The following GNL2 variants were observed in gnomAD, a reference collection of about 807,000 sequenced individuals.
GNL2 encodes G protein nucleolar 2.
Under a neutral mutation model 92.3 loss-of-function variants are expected in GNL2, and 51 were observed. The ratio of observed to expected loss-of-function variants is 0.55; its 90% CI spans 0.44 to 0.70. The LOEUF is 0.70. GNL2 is among the 30% of genes least tolerant of loss of function. The probability of loss-of-function intolerance (pLI) is 0.00; values close to 1 mark genes in which losing one functional copy is unlikely to be tolerated. For synonymous variants in GNL2, 283 were observed against 300.6 expected (o/e 0.94, Z 0.61); for missense variants, 844 against 895.6 (o/e 0.94, Z 0.74).
intron 1 of GNL2, 76 bp from the exon 2 acceptor site, chr1:37,593,922 A>C: frequency 1.9e-6 from 2 of 1,063,502 alleles, no homozygotes; most frequent in Non-Finnish European, 1.4e-6. Flanking sequence ...CTTAAAATGC[A>C]ACAAGTAGTT....
intron 12 of GNL2, 22 bp from the exon 13 acceptor site, chr1:37,569,324 G>A: frequency 6.8e-7 from 1 of 1,462,588 alleles, no homozygotes; most frequent in East Asian, 2.3e-5. Context: ...TGGAAATGGG[G>A]GAAATAAATA....
chr1:37,583,730 T>C (rs1643808267), intron 6 of GNL2, 137 bp downstream of exon 6: 2 of 582,484 alleles, frequency 3.4e-6, no homozygotes, highest in Non-Finnish European at 6.2e-6. Context: ...AGTTTCTTTG[T>C]AGGAGGAAGA....
intron 2 of GNL2, 66 bp from the exon 3 acceptor site, chr1:37,592,872 C>T (rs1403625603): frequency 1.0e-5 from 9 of 874,476 alleles, no homozygotes; most frequent in Non-Finnish European, 1.2e-5. Context: ...GTTTGATTTA[C>T]AGAATATATT....
At chr1:37,581,029 A>G (rs1183605436) in intron 8 of GNL2, among the ~76,000 whole-genome samples, 2 of 152,224 alleles carry the variant, frequency 1.3e-5, no homozygotes, top group Admixed American at 6.5e-5. Context: ...CACTGAATGA[A>G]TAATACTGTA....
In GNL2 at chr1:37,590,772, T is replaced by C; in HGVS notation, c.318A>G (p.Pro106=). ...QEEMDTVMKD[P]YKVVMKQSKL... Reference sequence around the variant, plus strand: ...TGCTTTGCTTCATGACAACTTTGTATGGATCCTTCATAACTGTATCCATTT... The same window carrying C: ...TGCTTTGCTTCATGACAACTTTGTACGGATCCTTCATAACTGTATCCATTT... The change falls in exon 4 of 16, where the codon CCA becomes CCG. Residue 106 remains proline (P), a synonymous_variant. Transcript: ENST00000373062. 2 of 1,611,216 alleles carry C rather than the reference T, an allele frequency of 1.2e-6. No homozygotes were observed. The highest frequency in any genetic ancestry group is 2.2e-5 in the South Asian group (2 of 90,966).
chr1:37,567,018 T>C lies in GNL2; in HGVS notation c.2044-11A>G. The C allele has an allele frequency of 6.2e-7, 1 of 1,602,180 alleles. No individual in the cohort carries two copies. Among genetic ancestry groups the C allele is most frequent in the Non-Finnish European group, 8.5e-7 (1 of 1,176,076 alleles). On this transcript the variant is annotated splice_polypyrimidine_tract_variant and intron_variant, in intron 15 of 15. Transcript: ENST00000373062. The stretch of plus-strand genomic sequence containing the variant: ...TACTGCTCGCCTCCGCTGTAAAAAA[T>C]GGCAAGAAAAGATGAAGAAAAAAAA...
At position 37,574,797 on chromosome 1, in the gene GNL2, A is replaced by G. The variant is rs1484281038; in HGVS notation, c.1170T>C (p.Pro390=). 1 of 1,611,818 alleles carries G rather than the reference A, an allele frequency of 6.2e-7. No homozygotes were observed. The highest frequency in any genetic ancestry group is 8.5e-7 in the Non-Finnish European group (1 of 1,178,914). Residue 390 remains proline (P), a synonymous_variant, in exon 11 of 16, where the codon CCT becomes CCC. Coordinates refer to ENST00000373062, the MANE Select transcript of GNL2 (RefSeq NM_013285.3). ...CAAGTACAGCACCAATGTGGTCTTC[A>G]GGACTCTTAATTTTTTCTACTTGAA... ...GVVQVEKIKS[P]EDHIGAVLER...
intron 12 of GNL2, among the ~76,000 whole-genome samples, chr1:37,572,720 T>C (rs2148129883): frequency 6.6e-6 from 1 of 152,298 alleles, no homozygotes; most frequent in South Asian, 2.1e-4. Flanking sequence ...AGCACTTTCC[T>C]GGGTTCTGGG....
At chr1:37,592,630 T>A in intron 3 of GNL2, 82 bp downstream of exon 3, 1 of 766,572 alleles carries the variant, frequency 1.3e-6, no homozygotes. Flanking sequence ...CAAAAACTCC[T>A]GCTGTTTAGA....
At chr1:37,587,111 C>A (rs1170751118) in intron 5 of GNL2, among the ~76,000 whole-genome samples, 200 bp downstream of exon 5, 1 of 151,830 alleles carries the variant, frequency 6.6e-6, no homozygotes, top group East Asian at 1.9e-4. Context: ...TACTAAAATA[C>A]AAAAAATTAG....
rs1208371895 is a variant in GNL2, at chr1:37,575,743, A to T, written c.1039-44T>A. Reference sequence around the variant, plus strand: ...CAGAGATGTCCTGTATCAAACACTAAGAGTCTAATTTCACAAACCCCTGAT... The same window carrying T: ...CAGAGATGTCCTGTATCAAACACTATGAGTCTAATTTCACAAACCCCTGAT... On this transcript the variant is annotated intron_variant, in intron 9 of 15. Transcript: ENST00000373062. This position sits in a 1 kb window ranked among gnomAD's most constrained non-coding sequence, Gnocchi z 4.1. 8.1e-7 allele frequency: 1 copy of T among 1,240,304 alleles called. No individual in the cohort carries two copies. The highest frequency in any genetic ancestry group is 1.2e-6 in the Non-Finnish European group (1 of 864,742). 76.8% of individuals were successfully genotyped at this position (1,240,304 alleles called of 1,614,324 possible).
chr1:37,586,121 A>G (rs1300725744), intron 5 of GNL2, among the ~76,000 whole-genome samples: 3 of 152,188 alleles, frequency 2.0e-5, no homozygotes, highest in Non-Finnish European at 4.4e-5. Flanking sequence ...ATAACAAACA[A>G]AATACTACTC....
intron 15 of GNL2, 34 bp from the exon 16 acceptor site, chr1:37,567,041 A>G: frequency 6.3e-7 from 1 of 1,599,996 alleles, no homozygotes; most frequent in Non-Finnish European, 8.5e-7. Flanking sequence ...TGAAGAAAAA[A>G]AACAACAAAA....
intron 1 of GNL2, among the ~76,000 whole-genome samples, chr1:37,594,720 T>G (rs913095247): frequency 6.6e-6 from 1 of 152,198 alleles, no homozygotes; most frequent in African/African-American, 2.4e-5. Flanking sequence ...CTTTGTATTT[T>G]TGTAGAGAGG....
intron 8 of GNL2, among the ~76,000 whole-genome samples, chr1:37,578,282 T>C (rs1643709500): frequency 6.6e-6 from 1 of 151,814 alleles, no homozygotes; most frequent in Non-Finnish European, 1.5e-5. Flanking sequence ...CTACTCAAAA[T>C]ACAAAAATTA....
chr1:37,587,097 T>C (rs944135404), intron 5 of GNL2, among the ~76,000 whole-genome samples: 2 of 151,980 alleles, frequency 1.3e-5, no homozygotes, highest in African/African-American at 4.8e-5. Context: ...TGAAACCTTG[T>C]CTCTACTAAA....
chr1:37,566,900 T>G lies in GNL2; in HGVS notation c.2151A>C (p.Ser717=), dbSNP rs1210005690. The G allele has an allele frequency of 1.9e-6, 3 of 1,614,062 alleles. No individual in the cohort carries two copies. The African/African-American group carries it at 4.0e-5, about 22-fold the overall frequency. The part of the protein sequence containing the change: ...RNRNKKKTND[S]EGQKHKRKKF... ...TTTTGCGTTTGTGTTTCTGTCCCTC[T>G]GAGTCATTGGTCTTCTTTTTGTTCC... The change falls in exon 16 of 16, where the codon TCA becomes TCC. Residue 717 remains serine (S), a synonymous_variant. Transcript: ENST00000373062.
intron 12 of GNL2, chr1:37,570,062 T>A (rs1455630413): frequency 6.6e-6 from 1 of 152,232 alleles, no homozygotes; most frequent in East Asian, 1.9e-4. Context: ...TTTTTCTTTA[T>A]AAACTAACCA....
chr1:37,567,456 G>A (rs1050616335), intron 15 of GNL2, among the ~76,000 whole-genome samples: 4 of 151,988 alleles, frequency 2.6e-5, no homozygotes, highest in Admixed American at 6.6e-5. Context: ...TAGTCCACTC[G>A]TGTGGAGACG....
Sources: allele counts gnomAD v4.1 joint callset (sites outside exome capture counted in the v4.1 genomes callset), GRCh38; gene constraint gnomAD v4.1.1; non-coding constraint Gnocchi (gnomAD v3.1); transcripts MANE v1.5; gene names NCBI Gene and HGNC (gene_info 2026-07-23, HGNC 2026-07-21).